Variants in CEP112 observed in about 807,000 individuals in gnomAD.
CEP112 encodes the protein centrosomal protein of 112 kDa.
In CEP112, 127 loss-of-function variants were observed where a neutral mutation model predicts 153.0. The observed-to-expected ratio is 0.83, with a 90% CI of 0.72 to 0.96. The LOEUF is 0.96. CEP112 is among the 40% of genes least tolerant of loss of function. The pLI, the probability that CEP112 is intolerant of heterozygous loss-of-function variation, is 0.00. For synonymous variants in CEP112, 358 were observed against 374.4 expected (o/e 0.96, Z 0.51); for missense variants, 1,089 against 1,101.2 (o/e 0.99, Z 0.16).
intron 21 of CEP112, among the ~76,000 whole-genome samples, chr17:65,773,748 C>T (rs2053518574): frequency 1.3e-5 from 2 of 152,080 alleles, no homozygotes; most frequent in South Asian, 4.2e-4. Context: ...CAGCCCTGCC[C>T]AGCTTGTCAT....
At chr17:65,893,241 T>C (rs2059538472) in intron 20 of CEP112, among the ~76,000 whole-genome samples, 1 of 152,080 alleles carries the variant, frequency 6.6e-6, no homozygotes, top group Non-Finnish European at 1.5e-5. Context: ...TAGATCCAGG[T>C]CACATCATTC....
intron 22 of CEP112, among the ~76,000 whole-genome samples, chr17:65,746,165 C>CAAAAAAAAAAAAAAAAAAAAAAA (rs56361589): frequency 2.2e-4 from 11 of 49,462 alleles, no homozygotes; most frequent in South Asian, 9.6e-4. Context: ...AACTCCATCT[C>CAAAAAAAAAAAAAAAAAAAAAAA]AAAAAAAAAA....
intron 21 of CEP112, among the ~76,000 whole-genome samples, chr17:65,843,264 C>T (rs1456691123): frequency 5.3e-5 from 8 of 152,260 alleles, no homozygotes; most frequent in Admixed American, 3.3e-4. Flanking sequence ...GTGCCATTAT[C>T]TATTACACCA....
chr17:65,900,262 A>C (rs2059798264), intron 20 of CEP112, among the ~76,000 whole-genome samples: 1 of 152,212 alleles, frequency 6.6e-6, no homozygotes, highest in African/African-American at 2.4e-5. Context: ...TCCATTGCTT[A>C]CTGGCATTCC....
chr17:66,154,664 T>G (rs541664972), intron 4 of CEP112, among the ~76,000 whole-genome samples: 1 of 151,718 alleles, frequency 6.6e-6, no homozygotes, highest in East Asian at 1.9e-4. Context: ...AAAGGTAAAA[T>G]AAGAAGCTTC....
intron 21 of CEP112, among the ~76,000 whole-genome samples, chr17:65,806,881 AC>A (rs2055637433): frequency 6.6e-6 from 1 of 152,124 alleles, no homozygotes; most frequent in Non-Finnish European, 1.5e-5. Flanking sequence ...GAAAATTGAT[AC>A]TAGGATTTGG....
At chr17:65,826,585 T>G in intron 21 of CEP112, 2 of 1,257,676 alleles carry the variant, frequency 1.6e-6, no homozygotes, top group Non-Finnish European at 2.0e-6. Context: ...TCTTTGTGAT[T>G]CTGGTCTCCC....
rs561133005 is a variant in CEP112, at chr17:65,904,528, C to T, written c.1981-2194G>A. On this transcript the variant is annotated intron_variant, in intron 19 of 26. Transcript: ENST00000535342. ...ATATCGTGAAAATGGCCATGCTGCC[C>T]GAAGTAATTTATAGATTCAATGCTA... 1.1e-4 allele frequency among the ~76,000 whole-genome samples: 16 copies of T among 152,248 alleles called. No homozygotes were observed. The East Asian group carries it at 2.7e-3, about 26-fold the overall frequency.
chr17:66,027,196 G>T (rs2065249578), intron 16 of CEP112, among the ~76,000 whole-genome samples: 1 of 152,104 alleles, frequency 6.6e-6, no homozygotes, highest in African/African-American at 2.4e-5. Context: ...GGCCAAAATG[G>T]TGAAACTCCC....
At chr17:65,845,058 G>A (rs373166640) in intron 21 of CEP112, among the ~76,000 whole-genome samples, 7 of 152,218 alleles carry the variant, frequency 4.6e-5, no homozygotes, top group African/African-American at 1.7e-4. Flanking sequence ...GGTGGCTCAC[G>A]CCTGTCCTCC....
chr17:65,646,285 G>A (rs2045429427), intron 24 of CEP112, among the ~76,000 whole-genome samples: 1 of 152,096 alleles, frequency 6.6e-6, no homozygotes, highest in Non-Finnish European at 1.5e-5. Context: ...TAGTTTTTGT[G>A]ATTTTAGTGA....
At chr17:66,128,869 T>C (rs2069989140) in intron 6 of CEP112, among the ~76,000 whole-genome samples, 1 of 152,170 alleles carries the variant, frequency 6.6e-6, no homozygotes, top group African/African-American at 2.4e-5. Flanking sequence ...TTATAATAAA[T>C]TTTGTTGAAT....
intron 19 of CEP112, among the ~76,000 whole-genome samples, chr17:65,908,595 G>A (rs1236713438): frequency 6.6e-5 from 10 of 151,858 alleles, no homozygotes; most frequent in Non-Finnish European, 1.2e-4. Context: ...TCAGGAGGCT[G>A]AAGCAGAAGA....
At chr17:66,104,385 C>A (rs530783248) in intron 6 of CEP112, among the ~76,000 whole-genome samples, 1 of 152,130 alleles carries the variant, frequency 6.6e-6, no homozygotes, top group Non-Finnish European at 1.5e-5. Flanking sequence ...AGAGGGGAAC[C>A]GACTACCTTG....
intron 24 of CEP112, among the ~76,000 whole-genome samples, chr17:65,671,604 A>G (rs904105039): frequency 6.6e-6 from 1 of 152,132 alleles, no homozygotes; most frequent in African/African-American, 2.4e-5. Context: ...CAACATATAT[A>G]TGTGTGTGTA....
intron 17 of CEP112, among the ~76,000 whole-genome samples, chr17:66,002,941 C>CT (rs1224247112): frequency 2.6e-5 from 4 of 152,244 alleles, no homozygotes; most frequent in East Asian, 3.9e-4. Context: ...ACAAAGCTGT[C>CT]TTGCAGCAAA....
At position 65,926,713 on chromosome 17, in the gene CEP112, A is replaced by AAATAATAATAATAATAATAAT. The variant is rs369745977; in HGVS notation, c.1980+848_1980+868dup. 6.3e-3 allele frequency among the ~76,000 whole-genome samples: 944 copies of AAATAATAATAATAATAATAAT among 150,416 alleles called. 15 individuals carry two copies. The highest frequency in any genetic ancestry group is 0.02 in the African/African-American group (831 of 40,598). On this transcript the variant is annotated intron_variant, in intron 19 of 26. Transcript: ENST00000535342. ...GGGTGAGAGAGTGAGACTCCTTCTC[A>AAATAATAATAATAATAATAAT]AATAATAATAATAATAATAATAATA...
chr17:65,638,821 A>G (rs2044932051), intron 25 of CEP112, among the ~76,000 whole-genome samples: 4 of 152,134 alleles, frequency 2.6e-5, no homozygotes, highest in East Asian at 1.9e-4. Context: ...ATCCAGTTTT[A>G]GGAGGCTGAA....
intron 21 of CEP112, among the ~76,000 whole-genome samples, chr17:65,825,565 G>A (rs1237959272): frequency 6.6e-6 from 1 of 152,048 alleles, no homozygotes; most frequent in South Asian, 2.1e-4. Flanking sequence ...ACTGTTCAGT[G>A]GGCACAGGTT....
Sources: gnomAD v4.1 joint callset for allele counts (sites outside exome capture counted in the v4.1 genomes callset) on GRCh38, gnomAD v4.1.1 for gene constraint, MANE v1.5 for transcripts, NCBI Gene and HGNC (gene_info 2026-07-23, HGNC 2026-07-21) for gene names.